Variants in PSD3 observed in about 807,000 individuals in gnomAD.
The protein encoded by PSD3 is pleckstrin and Sec7 domain containing 3.
In PSD3, 49 loss-of-function variants were observed where a neutral mutation model predicts 105.5. The ratio of observed to expected loss-of-function variants is 0.46; its 90% CI spans 0.37 to 0.59. PSD3 has a LOEUF of 0.59. PSD3 is among the 20% of genes least tolerant of loss of function. The pLI is 0.00. For missense variants in PSD3, 1,561 were observed against 1,263.8 expected, an observed-to-expected ratio of 1.24 and a Z score of -3.57; for synonymous variants, 557 against 457.8, an observed-to-expected ratio of 1.22 and a Z score of -2.77.
chr8:19,032,543 A>G (rs983008123), intron 1 of PSD3, among the ~76,000 whole-genome samples: 2 of 151,696 alleles, frequency 1.3e-5, no homozygotes, highest in Non-Finnish European at 2.9e-5. Context: ...CCAGCTACTC[A>G]GAAGGCTGAT....
intron 9 of PSD3, among the ~76,000 whole-genome samples, chr8:18,660,191 A>G (rs889275775): frequency 6.6e-6 from 1 of 152,188 alleles, no homozygotes; most frequent in African/African-American, 2.4e-5. Context: ...TATAGAAGGC[A>G]GACGGAGATT....
chr8:19,034,423 A>T (rs1227879303), intron 1 of PSD3, among the ~76,000 whole-genome samples: 2 of 152,154 alleles, frequency 1.3e-5, no homozygotes, highest in Non-Finnish European at 2.9e-5. Flanking sequence ...CTTAGACAAT[A>T]TTTTTAACAG....
intron 9 of PSD3, among the ~76,000 whole-genome samples, chr8:18,690,706 C>T (rs1438365072): frequency 6.6e-6 from 1 of 152,216 alleles, no homozygotes; most frequent in Non-Finnish European, 1.5e-5. Context: ...GGACTCAGAC[C>T]CTTTCTCCCA....
chr8:18,643,805 T>C (rs1041054305), intron 10 of PSD3, among the ~76,000 whole-genome samples: 7 of 152,206 alleles, frequency 4.6e-5, no homozygotes, highest in African/African-American at 1.7e-4. Context: ...CCCACATCTT[T>C]TGAAATCTAG....
intron 4 of PSD3, among the ~76,000 whole-genome samples, chr8:18,830,150 C>A (rs1436382840): frequency 1.3e-5 from 2 of 152,108 alleles, no homozygotes; most frequent in Non-Finnish European, 2.9e-5. Context: ...CCATGTTGGT[C>A]AGGCTGGTCT....
intron 1 of PSD3, among the ~76,000 whole-genome samples, chr8:18,945,929 G>A (rs1021295922): frequency 3.9e-5 from 6 of 152,170 alleles, no homozygotes; most frequent in South Asian, 2.1e-4. Context: ...AGCCGAGATC[G>A]CGCCATGCAC....
At chr8:18,814,258 G>A (rs1462856052) in intron 4 of PSD3, among the ~76,000 whole-genome samples, 6 of 152,056 alleles carry the variant, frequency 3.9e-5, no homozygotes, top group African/African-American at 1.2e-4. Flanking sequence ...AGCCCCACCC[G>A]CCGCATACCT....
At chr8:18,717,682 A>G (rs950443698) in intron 9 of PSD3, among the ~76,000 whole-genome samples, 7 of 152,218 alleles carry the variant, frequency 4.6e-5, no homozygotes, top group African/African-American at 1.7e-4. Context: ...GGGTCACACT[A>G]TAACCACTTG....
At chr8:18,865,685 C>T (rs975550910) in intron 4 of PSD3, among the ~76,000 whole-genome samples, 5 of 152,056 alleles carry the variant, frequency 3.3e-5, no homozygotes, top group Non-Finnish European at 5.9e-5. Flanking sequence ...TGCCCAGACT[C>T]GGGGAGAGGC....
intron 10 of PSD3, among the ~76,000 whole-genome samples, chr8:18,638,890 G>GA (rs1203430686): frequency 2.0e-5 from 3 of 152,038 alleles, no homozygotes; most frequent in South Asian, 4.1e-4. Flanking sequence ...AGAAAGCCCA[G>GA]AAAAAAATCC....
rs139139901 is a variant in PSD3 at position 18,909,759 on chromosome 8, C to T, written c.130+26275G>A. Among the ~76,000 whole-genome samples, 494 of 152,356 alleles carry T rather than the reference C, an allele frequency of 3.2e-3. 4 individuals carry two copies. The highest frequency in any genetic ancestry group is 0.012 in the African/African-American group (485 of 41,596). On this transcript the variant is annotated intron_variant, in intron 2 of 15. Coordinates refer to ENST00000327040, the MANE Select transcript of PSD3 (RefSeq NM_015310.4). ...TTGGCCTCCCAAAGTGCTGGGATTA[C>T]AGGTGTGAGCCACCATGCCAGTCCT...
At chr8:19,052,230 T>A (rs1828554280) in intron 1 of PSD3, among the ~76,000 whole-genome samples, 1 of 152,106 alleles carries the variant, frequency 6.6e-6, no homozygotes, top group South Asian at 2.1e-4. Context: ...TCCCAGCACT[T>A]TGGGAGGCCG....
rs536269327 is a variant in PSD3 at position 19,067,242 on chromosome 8, C to T, written c.324+16964G>A. Among the ~76,000 whole-genome samples the T allele has an allele frequency of 9.9e-5, 15 of 152,266 alleles. No homozygotes were observed. The East Asian group carries it at 2.9e-3, about 29-fold the overall frequency. Reference sequence around the variant, plus strand: ...TAGTAATAGTAACTAATAGTAACTACAGTAGTGCTACCTGAAATTTCCATG... The same window carrying T: ...TAGTAATAGTAACTAATAGTAACTATAGTAGTGCTACCTGAAATTTCCATG... On this transcript the variant is annotated intron_variant, in intron 1 of 1. Coordinates refer to the PSD3 transcript ENST00000521475.
intron 11 of PSD3, among the ~76,000 whole-genome samples, chr8:18,629,150 A>C (rs574613668): frequency 2.0e-5 from 3 of 152,046 alleles, no homozygotes; most frequent in Non-Finnish European, 4.4e-5. Flanking sequence ...GGCTGTATTA[A>C]TATTAGACAA....
chr8:18,933,302 C>T (rs989067333), intron 2 of PSD3, among the ~76,000 whole-genome samples: 7 of 152,046 alleles, frequency 4.6e-5, no homozygotes, highest in African/African-American at 1.7e-4. Context: ...AAGAACCAAA[C>T]TCACTCACCA....
intron 9 of PSD3, among the ~76,000 whole-genome samples, chr8:18,737,299 C>T (rs190299302): frequency 6.6e-6 from 1 of 152,136 alleles, no homozygotes; most frequent in East Asian, 1.9e-4. Context: ...AATTTGAACC[C>T]AGGTACTATG....
At chr8:18,547,620 A>G (rs552316581) in intron 15 of PSD3, among the ~76,000 whole-genome samples, 4 of 152,200 alleles carry the variant, frequency 2.6e-5, no homozygotes, top group Admixed American at 6.5e-5. Flanking sequence ...CTGACACTCT[A>G]ATTGAGTTTC....
At chr8:18,777,922 C>T (rs1179955255) in intron 8 of PSD3, among the ~76,000 whole-genome samples, 2 of 152,146 alleles carry the variant, frequency 1.3e-5, no homozygotes, top group African/African-American at 4.8e-5. Flanking sequence ...GCCTGACTTA[C>T]TTCACTCAAT....
chr8:19,014,645 C>A (rs1475323378), upstream of PSD3, among the ~76,000 whole-genome samples: 1 of 152,160 alleles, frequency 6.6e-6, no homozygotes, highest in Non-Finnish European at 1.5e-5. This position sits in a 1 kb window ranked among gnomAD's most constrained non-coding sequence, Gnocchi z 4.9. Flanking sequence ...CCTTATTGTT[C>A]CAAAGAACAG....
Sources: gnomAD v4.1 joint callset for allele counts (sites outside exome capture counted in the v4.1 genomes callset) on GRCh38, gnomAD v4.1.1 for gene constraint, Gnocchi (gnomAD v3.1) non-coding constraint, MANE v1.5 for transcripts, NCBI Gene and HGNC (gene_info 2026-07-23, HGNC 2026-07-21) for gene names.